PARD3: variants seen among roughly 807,000 people sequenced by gnomAD.
The protein encoded by PARD3 is partitioning defective 3 homolog.
In PARD3, 75 loss-of-function variants were observed where a neutral mutation model predicts 155.4. The observed-to-expected ratio is 0.48, with a 90% CI of 0.40 to 0.58. The LOEUF is 0.58. Ranked by LOEUF, PARD3 falls within the 20% of genes least tolerant of loss-of-function variation. The probability of loss-of-function intolerance (pLI) is 0.00; values close to 1 mark genes in which losing one functional copy is unlikely to be tolerated. For missense variants in PARD3, 1,642 were observed against 1,721.7 expected (o/e 0.95, Z 0.82); for synonymous variants, 576 against 610.5 (o/e 0.94, Z 0.83).
At chr10:34,353,958 CAAT>C (rs1306711101) in intron 14 of PARD3, among the ~76,000 whole-genome samples, 3 of 151,198 alleles carry the variant, frequency 2.0e-5, no homozygotes, top group East Asian at 1.9e-4. Context: ...AGAAAACAAA[CAAT>C]GATGGTTTAT....
At chr10:34,154,133 A>G (rs1948893768) in intron 22 of PARD3, among the ~76,000 whole-genome samples, 1 of 152,228 alleles carries the variant, frequency 6.6e-6, no homozygotes, top group Non-Finnish European at 1.5e-5. Flanking sequence ...AGCTGCATCC[A>G]TAAATTTATT....
intron 12 of PARD3, among the ~76,000 whole-genome samples, chr10:34,367,210 G>A (rs1451509112): frequency 3.3e-5 from 5 of 152,070 alleles, no homozygotes; most frequent in Admixed American, 1.3e-4. Context: ...ATTAACAAAC[G>A]TAATAGGTTA....
At chr10:34,764,282 C>T (rs1837813775) in intron 1 of PARD3, among the ~76,000 whole-genome samples, 1 of 152,176 alleles carries the variant, frequency 6.6e-6, no homozygotes, top group African/African-American at 2.4e-5. Context: ...ATGCAGGGTG[C>T]TCATTAAATA....
At chr10:34,765,929 T>C (rs1838030025) in intron 1 of PARD3, among the ~76,000 whole-genome samples, 1 of 152,150 alleles carries the variant, frequency 6.6e-6, no homozygotes, top group Non-Finnish European at 1.5e-5. Flanking sequence ...ATGAGGAAAC[T>C]GAGGTACTGC....
At chr10:34,236,362 C>T (rs1231105968) in intron 22 of PARD3, among the ~76,000 whole-genome samples, 1 of 152,166 alleles carries the variant, frequency 6.6e-6, no homozygotes, top group East Asian at 1.9e-4. Flanking sequence ...TCCAGGGCTG[C>T]CTGACCGGGA....
At chr10:34,458,718 C>T (rs189172155) in intron 4 of PARD3, among the ~76,000 whole-genome samples, 19 of 152,180 alleles carry the variant, frequency 1.2e-4, no homozygotes, top group Admixed American at 2.6e-4. Context: ...GGAAGTTTAA[C>T]GTTTATAAAA....
chr10:34,216,936 T>C (rs12778087), intron 22 of PARD3, among the ~76,000 whole-genome samples: 24,394 of 152,238 alleles, frequency 0.16, 2,402 homozygotes, highest in Middle Eastern at 0.3. Flanking sequence ...CCCATCCTCA[T>C]TGAATGACAT....
At chr10:34,259,904 A>T (rs1274239984) in intron 22 of PARD3, among the ~76,000 whole-genome samples, 1 of 152,132 alleles carries the variant, frequency 6.6e-6, no homozygotes, top group Non-Finnish European at 1.5e-5. Flanking sequence ...ACATTGGTAC[A>T]ACAACCATAG....
intron 22 of PARD3, among the ~76,000 whole-genome samples, chr10:34,202,650 T>G (rs75042057): frequency 0.018 from 2,767 of 152,326 alleles, 46 homozygotes; most frequent in Middle Eastern, 0.034. Context: ...ATTCTCTTCC[T>G]TTTACTCCCT....
At chr10:34,454,727 T>G (rs139159482) in intron 4 of PARD3, among the ~76,000 whole-genome samples, 58 of 152,254 alleles carry the variant, frequency 3.8e-4, no homozygotes, top group African/African-American at 1.3e-3. Flanking sequence ...GGTGGGAAAT[T>G]TTCCTTCTTG....
chr10:34,752,137 G>A (rs1836116235), intron 1 of PARD3, among the ~76,000 whole-genome samples: 1 of 151,542 alleles, frequency 6.6e-6, no homozygotes, highest in South Asian at 2.1e-4. Flanking sequence ...TTTGTGGGGG[G>A]GTTTTCTGTG....
At position 34,470,332 on chromosome 10, in the gene PARD3, G is replaced by A. The variant is rs370279871; in HGVS notation, c.404-69C>T. ...TTGGTAAACTACATGTTAGGAGAAC[G>A]TAGGGAAATCCTAAAGATTAAGGAA... On this transcript the variant is annotated intron_variant, in intron 3 of 24. Transcript: ENST00000374788. 1.9e-4 allele frequency: 225 copies of A among 1,163,990 alleles called. No homozygotes were observed. In the South Asian group the frequency reaches 3.8e-3, roughly 20 times the overall value. 72.1% of individuals were successfully genotyped at this position (1,163,990 alleles called of 1,614,324 possible).
intron 3 of PARD3, among the ~76,000 whole-genome samples, chr10:34,473,334 T>C (rs2078484541): frequency 6.6e-6 from 1 of 152,128 alleles, no homozygotes; most frequent in African/African-American, 2.4e-5. Context: ...ACTGTCAAAT[T>C]CAGGAAGGAG....
At chr10:34,412,452 C>T (rs1446753185) in intron 5 of PARD3, among the ~76,000 whole-genome samples, 1 of 152,158 alleles carries the variant, frequency 6.6e-6, no homozygotes, top group Non-Finnish European at 1.5e-5. Context: ...CCTTTTCTCC[C>T]AGCCCTAGCA....
chr10:34,429,428 T>C (rs1312608867), intron 5 of PARD3, among the ~76,000 whole-genome samples: 1 of 151,540 alleles, frequency 6.6e-6, no homozygotes, highest in Non-Finnish European at 1.5e-5. Flanking sequence ...AGGGTCTCAC[T>C]GTGTCACCCA....
intron 2 of PARD3, among the ~76,000 whole-genome samples, chr10:34,545,428 T>C (rs1257036724): frequency 5.3e-5 from 8 of 152,058 alleles, no homozygotes; most frequent in African/African-American, 1.4e-4. Context: ...ATATAAACAT[T>C]TGGACATGGT....
At chr10:34,668,578 AAT>A (rs1432720289) in intron 2 of PARD3, among the ~76,000 whole-genome samples, 2 of 152,160 alleles carry the variant, frequency 1.3e-5, no homozygotes, top group African/African-American at 4.8e-5. Flanking sequence ...TGACTCCCAC[AAT>A]ATATATATTC....
At chr10:34,510,125 T>G (rs1229280332) in intron 3 of PARD3, among the ~76,000 whole-genome samples, 4 of 152,222 alleles carry the variant, frequency 2.6e-5, no homozygotes, top group African/African-American at 9.6e-5. Context: ...CTCCATTTAC[T>G]CCCTAAGTTC....
chr10:34,577,549 G>A (rs552232606), intron 2 of PARD3, among the ~76,000 whole-genome samples: 3 of 152,284 alleles, frequency 2.0e-5, no homozygotes, highest in South Asian at 4.1e-4. Flanking sequence ...GAATGAATCC[G>A]ATTTGAATGA....
Sources: gnomAD v4.1 joint callset for allele counts (sites outside exome capture counted in the v4.1 genomes callset) on GRCh38, gnomAD v4.1.1 for gene constraint, MANE v1.5 for transcripts, NCBI Gene and HGNC (gene_info 2026-07-23, HGNC 2026-07-21) for gene names.